ELN: variants seen among roughly 807,000 people sequenced by gnomAD.
ELN encodes tropoelastin.
A neutral mutation model predicts 105.8 loss-of-function variants in ELN; 65 were observed. That is an observed-to-expected ratio of 0.61 (90% confidence interval 0.50 to 0.75). The LOEUF (loss-of-function observed/expected upper bound fraction) is 0.75. Among genes scored for constraint, ELN ranks in the 30% least tolerant of loss-of-function variants. ELN has a pLI of 0.00. For missense variants in ELN, 882 were observed against 969.4 expected (o/e 0.91, Z 1.20); for synonymous variants, 368 against 389.2 (o/e 0.95, Z 0.64).
Position 74,045,304 on chromosome 7 carries a change from G to T in ELN, c.541+11G>T, listed in dbSNP as rs782069736. The T allele has an allele frequency of 1.9e-6, 3 of 1,613,774 alleles. No individual in the cohort carries two copies. The African/African-American group carries it at 4.0e-5, about 22-fold the overall frequency. ...AGCCCAAGGCTCCAGGTATGCAGCTGTCTGGACAGAGGGCTGATGGCAGGG... is the reference window on the plus strand; with the variant it reads ...AGCCCAAGGCTCCAGGTATGCAGCTTTCTGGACAGAGGGCTGATGGCAGGG... On this transcript the variant is annotated intron_variant, in intron 10 of 32. Transcript: ENST00000252034.
chr7:74,037,905 G>A, intron 4 of ELN, 166 bp downstream of exon 4: 1 of 1,037,498 alleles, frequency 9.6e-7, no homozygotes, highest in South Asian at 1.4e-5. Context: ...AGGATGAGTA[G>A]GCCGGGGCCA....
rs1554669855 is a variant in ELN at position 74,043,147 on chromosome 7, G to A, written c.406G>A (p.Val136Met). 6.2e-7 allele frequency: 1 copy of A among 1,608,158 alleles called. No homozygotes were observed. Among genetic ancestry groups the A allele is most frequent in the Admixed American group, 1.7e-5 (1 of 58,720 alleles). ...GAVVPQPGAG[V>M]KPGKVPGVGL... is the part of the protein sequence containing the mutation. ...GGTGGTTCCTCAGCCTGGAGCCGGAGTGAAGCCTGGGAAAGTGCCGGGTCA... is the reference window on the plus strand; with the variant it reads ...GGTGGTTCCTCAGCCTGGAGCCGGAATGAAGCCTGGGAAAGTGCCGGGTCA... Residue 136 changes from valine (V) to methionine (M), a missense_variant, in exon 8 of 33, where the codon GTG (valine) becomes ATG (methionine). Physicochemically the swap from Val to Met is conservative, Grantham distance 21. Coordinates refer to ENST00000252034, the MANE Select transcript of ELN (RefSeq NM_000501.4).
Position 74,048,516 on chromosome 7 carries a change from GGCAGCA to G in ELN, c.768_773del (p.Ala259_Ala260del). On this transcript the variant is annotated inframe_deletion, in exon 15 of 33. Coordinates refer to ENST00000252034, the MANE Select transcript of ELN (RefSeq NM_000501.4). ...TCCTTCCCCCAGGGGTTGGCCCCCA[GGCAGCA>G]GCAGCAGCGGCAGCTAAAGCAGCAG... 1 of 1,613,998 alleles carries G rather than the reference GGCAGCA, an allele frequency of 6.2e-7. No individual in the cohort carries two copies. Among genetic ancestry groups the G allele is most frequent in the East Asian group, 2.2e-5 (1 of 44,884 alleles).
At chr7:74,031,797 AAG>A (rs374353560) in intron 1 of ELN, among the ~76,000 whole-genome samples, 21 of 147,892 alleles carry the variant, frequency 1.4e-4, no homozygotes, top group South Asian at 2.1e-4. Flanking sequence ...AAAAGAAAGA[AAG>A]AGAGAGAGAG....
chr7:74,035,423 C>T lies in ELN; in HGVS notation c.133+9C>T, dbSNP rs781786767. ...AGGAGTCTTTTATCCAGGTAACGTA[C>T]ATGAAACTTCCACACACCCAGGTCA... On this transcript the variant is annotated intron_variant, in intron 2 of 32. Transcript: ENST00000252034. 1.9e-6 allele frequency: 3 copies of T among 1,614,150 alleles called. No homozygotes were observed. Among genetic ancestry groups the T allele is most frequent in the East Asian group, 2.2e-5 (1 of 44,886 alleles).
intron 19 of ELN, 142 bp from the exon 20 acceptor site, chr7:74,056,129 C>T (rs1382325849): frequency 1.8e-6 from 2 of 1,088,008 alleles, no homozygotes; most frequent in African/African-American, 1.5e-5. Flanking sequence ...TGCTGGGGAC[C>T]CAGGCATCCC....
At chr7:74,046,901 T>C in intron 12 of ELN, 134 bp downstream of exon 12, 1 of 1,012,758 alleles carries the variant, frequency 9.9e-7, no homozygotes, top group South Asian at 1.4e-5. Flanking sequence ...CTGGCCAACA[T>C]GGCAAAACCC....
chr7:74,030,928 A>T (rs1454058765), intron 1 of ELN, among the ~76,000 whole-genome samples: 2 of 152,176 alleles, frequency 1.3e-5, no homozygotes, highest in South Asian at 2.1e-4. Flanking sequence ...ATGAGGGCAA[A>T]TGTGCCCTGT....
chr7:74,061,748 C>T (rs556984198), intron 26 of ELN, among the ~76,000 whole-genome samples: 1 of 152,144 alleles, frequency 6.6e-6, no homozygotes, highest in Admixed American at 6.5e-5. Context: ...GCTTATGGTG[C>T]CTTCAACCCC....
chr7:74,053,431 C>A (rs1794562843), intron 18 of ELN, 122 bp downstream of exon 18: 2 of 1,524,990 alleles, frequency 1.3e-6, no homozygotes, highest in African/African-American at 1.4e-5. Context: ...TCTGCCCATA[C>A]CCTTGACCAC....
At chr7:74,039,621 G>T (rs1348221280) in intron 4 of ELN, among the ~76,000 whole-genome samples, 2 of 152,250 alleles carry the variant, frequency 1.3e-5, no homozygotes, top group Non-Finnish European at 2.9e-5. Context: ...CGGGGGACCA[G>T]GCAGCTGGAA....
chr7:74,053,261 G>A lies in ELN; in HGVS notation c.1048G>A (p.Gly350Arg). 6.2e-7 allele frequency: 1 copy of A among 1,614,110 alleles called. No individual in the cohort carries two copies. Among genetic ancestry groups the A allele is most frequent in the Non-Finnish European group, 8.5e-7 (1 of 1,180,020 alleles). ...TCCAGGTGTTGGTGTCCCAGGAGCTGGGATTCCAGTTGTCCCAGGTGCTGG... is the reference window on the plus strand; with the variant it reads ...TCCAGGTGTTGGTGTCCCAGGAGCTAGGATTCCAGTTGTCCCAGGTGCTGG... ...GVPGVGVPGAGIPVVPGAGIP... is the reference protein window; with the variant it reads ...GVPGVGVPGARIPVVPGAGIP... Residue 350 changes from glycine (G) to arginine (R), a missense_variant, in exon 18 of 33, where the codon GGG (glycine) becomes AGG (arginine). Physicochemically the swap from Gly to Arg is moderately radical, Grantham distance 125 (BLOSUM62 -2). Coordinates refer to ENST00000252034, the MANE Select transcript of ELN (RefSeq NM_000501.4).
chr7:74,043,336 G>T (rs1419644028), intron 8 of ELN, 168 bp downstream of exon 8: 2 of 1,047,522 alleles, frequency 1.9e-6, no homozygotes, highest in East Asian at 5.2e-5. Flanking sequence ...GAAATGGGGA[G>T]GAGGGGCCTG....
intron 32 of ELN, among the ~76,000 whole-genome samples, chr7:74,067,933 CAAAA>C (rs782107951): frequency 2.0e-4 from 4 of 19,888 alleles, no homozygotes; most frequent in African/African-American, 2.6e-4. Flanking sequence ...GATTGCGTCT[CAAAA>C]AAAAAAAAAA....
intron 4 of ELN, among the ~76,000 whole-genome samples, chr7:74,038,564 G>A (rs1333453895): frequency 6.6e-6 from 1 of 152,254 alleles, no homozygotes; most frequent in East Asian, 1.9e-4. Context: ...AGGAAGGAAG[G>A]TGGGGCAGGT....
chr7:74,064,952 C>T (rs2132614913), intron 29 of ELN, among the ~76,000 whole-genome samples: 1 of 151,992 alleles, frequency 6.6e-6, no homozygotes, highest in Admixed American at 6.6e-5. Context: ...ACAATTAAGA[C>T]TTTTGGGGCC....
chr7:74,035,803 G>C, intron 2 of ELN: 1 of 339,834 alleles, frequency 2.9e-6, no homozygotes, highest in South Asian at 2.4e-5. Context: ...GCTGGGCATA[G>C]TGGTGCACGC....
intron 31 of ELN, 74 bp downstream of exon 31, chr7:74,066,071 G>A (rs1797879529): frequency 6.2e-7 from 1 of 1,603,336 alleles, no homozygotes; most frequent in Non-Finnish European, 8.5e-7. Context: ...ATCTAGCAGT[G>A]GGGACTCCCA....
At chr7:74,067,675 A>G in intron 32 of ELN, among the ~76,000 whole-genome samples, 1 of 150,418 alleles carries the variant, frequency 6.6e-6, no homozygotes. Context: ...GAGGCGGAGC[A>G]TGGTGTGAAC....
Sources: gnomAD v4.1 joint callset for allele counts (sites outside exome capture counted in the v4.1 genomes callset) on GRCh38, gnomAD v4.1.1 for gene constraint, MANE v1.5 for transcripts, NCBI Gene and HGNC (gene_info 2026-07-23, HGNC 2026-07-21) for gene names.